The following ANO6 variants were observed in gnomAD, a reference collection of about 807,000 sequenced individuals.
ANO6 encodes anoctamin-6.
Under a neutral mutation model 117.5 loss-of-function variants are expected in ANO6, and 106 were observed. The observed-to-expected ratio is 0.90, with a 90% CI of 0.77 to 1.06. The LOEUF is 1.06. ANO6 is among the 50% of genes least tolerant of loss of function. The pLI is 0.00. For missense variants in ANO6, 955 were observed against 1,121.1 expected, an observed-to-expected ratio of 0.85 and a Z score of 2.12; for synonymous variants, 367 against 385.1, an observed-to-expected ratio of 0.95 and a Z score of 0.55.
intron 3 of ANO6, among the ~76,000 whole-genome samples, chr12:45,334,504 G>A (rs181051680): frequency 6.6e-6 from 1 of 152,098 alleles, no homozygotes; most frequent in Non-Finnish European, 1.5e-5. Context: ...CCCTTCTCAG[G>A]GCTGTTTTTT....
rs760741952 is a variant in ANO6 at position 45,347,096 on chromosome 12, TG to T, written c.345+11del. 98 of 1,613,828 alleles carry T rather than the reference TG, an allele frequency of 6.1e-5. No individual in the cohort carries two copies. The African/African-American group carries it at 1.2e-3, about 20-fold the overall frequency. ...TAGAAGCAACAAGATCAGTAAGTAC[TG>T]GTCCCTTTTCAGCCCTCGGCTGACC... On this transcript the variant is annotated intron_variant, in intron 4 of 19. Coordinates refer to ENST00000320560, the MANE Select transcript of ANO6 (RefSeq NM_001025356.3).
chr12:45,395,103 TAAAG>T (rs1323210948), intron 12 of ANO6, among the ~76,000 whole-genome samples: 1 of 151,664 alleles, frequency 6.6e-6, no homozygotes, highest in Non-Finnish European at 1.5e-5. Flanking sequence ...GCAAGACTAA[TAAAG>T]AAGAAAAGAG....
chr12:45,238,156 T>C (rs1050670151), intron 1 of ANO6, among the ~76,000 whole-genome samples: 5 of 148,440 alleles, frequency 3.4e-5, no homozygotes, highest in African/African-American at 7.5e-5. Context: ...TTTTTCTTTT[T>C]TTTTTTTTTT....
At chr12:45,392,757 G>T (rs976589484) in intron 12 of ANO6, among the ~76,000 whole-genome samples, 1 of 152,204 alleles carries the variant, frequency 6.6e-6, no homozygotes, top group African/African-American at 2.4e-5. Flanking sequence ...TGAGGGACCT[G>T]ACTGTTAGAA....
intron 19 of ANO6, among the ~76,000 whole-genome samples, chr12:45,428,869 A>ATG (rs1388001979): frequency 6.6e-6 from 1 of 152,130 alleles, no homozygotes. Context: ...TAACCATTAT[A>ATG]TGTGTGTATA....
Position 45,357,329 on chromosome 12 carries a change from G to A in ANO6, c.903G>A (p.Trp301Ter). 3 of 1,613,946 alleles carry A rather than the reference G, an allele frequency of 1.9e-6. No individual in the cohort carries two copies. Residue 301 changes from tryptophan to a stop codon, truncating the protein, a stop_gained, in exon 8 of 20, where the codon TGG becomes TGA. Coordinates refer to ENST00000320560, the MANE Select transcript of ANO6 (RefSeq NM_001025356.3). LOFTEE classifies it high-confidence loss of function. ...YGEKIGIYFA[W>*]LGYYTQMLLL... ...AGAAGATTGGAATCTACTTTGCTTGGCTGGGCTATTACACTCAGATGCTTC... is the reference window on the plus strand; with the variant it reads ...AGAAGATTGGAATCTACTTTGCTTGACTGGGCTATTACACTCAGATGCTTC...
chr12:45,402,703 A>G (rs373024795), intron 13 of ANO6, among the ~76,000 whole-genome samples: 1 of 152,346 alleles, frequency 6.6e-6, no homozygotes, highest in South Asian at 2.1e-4. Context: ...CCTTATCGCA[A>G]TTCAGGAAAA....
At chr12:45,238,191 C>G (rs1262058906) in intron 1 of ANO6, among the ~76,000 whole-genome samples, 8 of 148,004 alleles carry the variant, frequency 5.4e-5, no homozygotes. Flanking sequence ...CACTCTGTCG[C>G]CCAGGCTGGA....
intron 3 of ANO6, among the ~76,000 whole-genome samples, chr12:45,339,543 AC>A (rs1455162318): frequency 6.6e-6 from 1 of 151,732 alleles, no homozygotes; most frequent in East Asian, 1.9e-4. Flanking sequence ...CTAAATATTC[AC>A]TCCATCCTAT....
intron 1 of ANO6, among the ~76,000 whole-genome samples, chr12:45,296,312 T>C (rs1441898741): frequency 2.0e-5 from 3 of 152,192 alleles, no homozygotes; most frequent in South Asian, 2.1e-4. Flanking sequence ...GACATTTCTT[T>C]AGTTGCGTAC....
Position 45,329,796 on chromosome 12 carries a change from A to G in ANO6, c.151-1499A>G, listed in dbSNP as rs551466843. Among the ~76,000 whole-genome samples the G allele has an allele frequency of 4.1e-4, 63 of 152,228 alleles. 3 individuals are homozygous for G. In the South Asian group the frequency reaches 0.012, roughly 30 times the overall value. ...TCTCCATGCACAATTTTCCTCTAGCAATAGCCCTGGTTGTCACCCATAGTA... is the reference window on the plus strand; with the variant it reads ...TCTCCATGCACAATTTTCCTCTAGCGATAGCCCTGGTTGTCACCCATAGTA... On this transcript the variant is annotated intron_variant, in intron 2 of 19. Coordinates refer to ENST00000320560, the MANE Select transcript of ANO6 (RefSeq NM_001025356.3).
rs568249979 is a variant in ANO6, at chr12:45,267,561, G to A, written c.71-34453G>A. Among the ~76,000 whole-genome samples the A allele has an allele frequency of 3.9e-5, 6 of 152,000 alleles. No homozygotes were observed. The South Asian group carries it at 6.3e-4, about 16-fold the overall frequency. On this transcript the variant is annotated intron_variant, in intron 1 of 19. Coordinates refer to ENST00000320560, the MANE Select transcript of ANO6 (RefSeq NM_001025356.3). ...TCCCAGCACTTTGGGAGGCCGAGGC[G>A]GGTGGATCACTTGAGGGTCAGGAGT...
intron 19 of ANO6, 30 bp downstream of exon 19, chr12:45,423,092 T>C: frequency 6.6e-7 from 1 of 1,520,016 alleles, no homozygotes; most frequent in Non-Finnish European, 9.1e-7. Flanking sequence ...AAACAGTTTA[T>C]AAGGATGTGT....
intron 1 of ANO6, among the ~76,000 whole-genome samples, chr12:45,218,684 G>C (rs1279085517): frequency 6.6e-6 from 1 of 152,090 alleles, no homozygotes; most frequent in African/African-American, 2.4e-5. Context: ...AGATTACCAG[G>C]AGTAGGCTGA....
chr12:45,279,663 C>T (rs1938661396), intron 1 of ANO6, among the ~76,000 whole-genome samples: 1 of 152,196 alleles, frequency 6.6e-6, no homozygotes, highest in African/African-American at 2.4e-5. Flanking sequence ...GTTCCATTCC[C>T]ACATTTGCTA....
intron 1 of ANO6, among the ~76,000 whole-genome samples, chr12:45,225,863 A>G (rs1002192824): frequency 6.6e-6 from 1 of 152,246 alleles, no homozygotes; most frequent in Admixed American, 6.5e-5. Context: ...GTGCAAGAGT[A>G]GTCAATTTTA....
intron 17 of ANO6, among the ~76,000 whole-genome samples, chr12:45,418,011 C>G (rs150038294): frequency 6.6e-6 from 1 of 152,192 alleles, no homozygotes; most frequent in Non-Finnish European, 1.5e-5. Flanking sequence ...AAGAATAGTA[C>G]ATACCAACCA....
chr12:45,236,675 G>A (rs906054229), intron 1 of ANO6, among the ~76,000 whole-genome samples: 1 of 152,196 alleles, frequency 6.6e-6, no homozygotes, highest in Non-Finnish European at 1.5e-5. Context: ...TGTGAATAGT[G>A]CTGCAATAAA....
At chr12:45,408,838 T>A (rs11183017) in intron 15 of ANO6, among the ~76,000 whole-genome samples, 8,318 of 152,040 alleles carry the variant, frequency 0.055, 465 homozygotes, top group East Asian at 0.32. Context: ...TGGGACTTCT[T>A]CCCCCAGGTT....
Sources: allele counts gnomAD v4.1 joint callset (sites outside exome capture counted in the v4.1 genomes callset), GRCh38; gene constraint gnomAD v4.1.1; transcripts MANE v1.5; gene names NCBI Gene and HGNC (gene_info 2026-07-23, HGNC 2026-07-21).